Variants in PCDHGA6 observed in about 807,000 individuals in gnomAD.
The protein encoded by PCDHGA6 is protocadherin gamma-A6.
Under a neutral mutation model 60.6 loss-of-function variants are expected in PCDHGA6, and 41 were observed. The ratio of observed to expected loss-of-function variants is 0.68; its 90% CI spans 0.53 to 0.88. The LOEUF is 0.88. Among genes scored for constraint, PCDHGA6 ranks in the 40% least tolerant of loss-of-function variants. The pLI is 0.00. For missense variants in PCDHGA6, 1,312 were observed against 1,203.0 expected (o/e 1.09, Z -1.34); for synonymous variants, 594 against 524.4 (o/e 1.13, Z -1.81).
intron 1 of PCDHGA6, among the ~76,000 whole-genome samples, chr5:141,451,387 T>C (rs1039738460): frequency 6.6e-6 from 1 of 152,116 alleles, no homozygotes; most frequent in African/African-American, 2.4e-5. Flanking sequence ...TCTCACATAG[T>C]TAATGGCAAA....
At chr5:141,402,491 A>T (rs1186098298) in intron 1 of PCDHGA6, among the ~76,000 whole-genome samples, 1 of 152,242 alleles carries the variant, frequency 6.6e-6, no homozygotes, top group Non-Finnish European at 1.5e-5. Flanking sequence ...TCTACCAAGA[A>T]TAAGAATAAA....
At position 141,491,098 on chromosome 5, in the gene PCDHGA6, C is replaced by A. The variant is rs1283499077; in HGVS notation, c.2425-3709C>A. ...ACAGTCCACAGCCCCAGGACTGTTC[C>A]TCGTGTCTACACACACTGGTGAGGT... On this transcript the variant is annotated intron_variant, in intron 1 of 3. Coordinates refer to ENST00000517434, the MANE Select transcript of PCDHGA6 (RefSeq NM_018919.3). This position sits in a 1 kb window ranked among gnomAD's most constrained non-coding sequence, Gnocchi z 6.9. 6.2e-7 allele frequency: 1 copy of A among 1,614,216 alleles called. No individual in the cohort carries two copies. Among genetic ancestry groups the A allele is most frequent in the Non-Finnish European group, 8.5e-7 (1 of 1,180,038 alleles).
chr5:141,405,339 A>T (rs980651625), intron 1 of PCDHGA6: 12 of 1,614,060 alleles, frequency 7.4e-6, no homozygotes, highest in Non-Finnish European at 1.0e-5. Context: ...GTCTCTGTTG[A>T]TTCCAAGTTT....
chr5:141,385,068 C>G, intron 1 of PCDHGA6: 1 of 1,614,206 alleles, frequency 6.2e-7, no homozygotes, highest in South Asian at 1.1e-5. Context: ...ACAAGTCACG[C>G]CTGCTGCAGG....
At chr5:141,404,391 A>C (rs773558298) in intron 1 of PCDHGA6, 1 of 1,613,924 alleles carries the variant, frequency 6.2e-7, no homozygotes, top group South Asian at 1.1e-5. Context: ...TATGACCCTG[A>C]TAGCAATGAG....
chr5:141,375,987 G>A lies in PCDHGA6; in HGVS notation c.1904G>A (p.Arg635Lys). The stretch of plus-strand genomic sequence containing the variant: ...CGCACGGCGCGCGCCCTGCTGGACA[G>A]AGACGCGCTCAAGCAGAGCCTAGTG... Reference protein sequence around the residue: ...EVRTARALLDRDALKQSLVVA... With the variant: ...EVRTARALLDKDALKQSLVVA... Residue 635 changes from arginine (R) to lysine (K), a missense_variant, in exon 1 of 4, where the codon AGA becomes AAA. Physicochemically the swap from Arg to Lys is conservative, Grantham distance 26. Coordinates refer to ENST00000517434, the MANE Select transcript of PCDHGA6 (RefSeq NM_018919.3). The A allele has an allele frequency of 6.2e-7, 1 of 1,613,458 alleles. No individual in the cohort carries two copies. Among genetic ancestry groups the A allele is most frequent in the Non-Finnish European group, 8.5e-7 (1 of 1,179,892 alleles).
At chr5:141,391,576 T>A (rs1172672552) in intron 1 of PCDHGA6, 1 of 152,236 alleles carries the variant, frequency 6.6e-6, no homozygotes, top group Non-Finnish European at 1.5e-5. Flanking sequence ...AGAAAATATA[T>A]TCACAGGAAA....
rs757568006 is a variant in PCDHGA6 at position 141,389,895 on chromosome 5, C to A, written c.2424+13388C>A. 1.2e-5 allele frequency: 20 copies of A among 1,614,088 alleles called. No homozygotes were observed. In the Middle Eastern group the frequency reaches 2.0e-3, roughly 160 times the overall value. On this transcript the variant is annotated intron_variant, in intron 1 of 3. Coordinates refer to ENST00000517434, the MANE Select transcript of PCDHGA6 (RefSeq NM_018919.3). Reference sequence around the variant, plus strand: ...CGCCGACAGCTTGCAGGAGGTGCTGCCGGATATCACTGACCGCCCCGACCC... The same window carrying A: ...CGCCGACAGCTTGCAGGAGGTGCTGACGGATATCACTGACCGCCCCGACCC...
At chr5:141,412,814 C>CAT (rs1339609844) in intron 1 of PCDHGA6, among the ~76,000 whole-genome samples, 1 of 152,180 alleles carries the variant, frequency 6.6e-6, no homozygotes, top group Non-Finnish European at 1.5e-5. Context: ...AAGAAACCTA[C>CAT]ATATAGTAAA....
At chr5:141,415,740 G>GTTTTTTTTTTTTTTTGT (rs2095912649) in intron 1 of PCDHGA6, 1 of 515,998 alleles carries the variant, frequency 1.9e-6, no homozygotes, top group Non-Finnish European at 2.6e-6. Flanking sequence ...GTTTATTAAG[G>GTTTTTTTTTTTTTTTGT]TTTTTTTTTT....
In PCDHGA6 at chr5:141,476,335, C is replaced by A; in HGVS notation, c.2425-18472C>A. On this transcript the variant is annotated intron_variant, in intron 1 of 3. Coordinates refer to ENST00000517434, the MANE Select transcript of PCDHGA6 (RefSeq NM_018919.3). The surrounding 1 kb of genome is among the most constrained non-coding windows in gnomAD (Gnocchi z 7.6). Reference sequence around the variant, plus strand: ...GGTTCCGGGTGGTGTCTGGAGCTAGCCGAAGATTCTTTGAGGTGAACCGGG... The same window carrying A: ...GGTTCCGGGTGGTGTCTGGAGCTAGACGAAGATTCTTTGAGGTGAACCGGG... 2 of 1,614,120 alleles carry A rather than the reference C, an allele frequency of 1.2e-6. No individual in the cohort carries two copies. Among genetic ancestry groups the A allele is most frequent in the Non-Finnish European group, 1.7e-6 (2 of 1,180,026 alleles).
At chr5:141,497,983 C>T (rs2099780927) in intron 2 of PCDHGA6, among the ~76,000 whole-genome samples, 1 of 152,168 alleles carries the variant, frequency 6.6e-6, no homozygotes, top group African/African-American at 2.4e-5. Context: ...GTGGGAGGCC[C>T]CTGCCCTCAA....
intron 1 of PCDHGA6, chr5:141,414,621 C>G: frequency 6.2e-7 from 1 of 1,613,996 alleles, no homozygotes; most frequent in Non-Finnish European, 8.5e-7. Flanking sequence ...CAGCGCTGGA[C>G]CCGGACAGCA....
At chr5:141,509,143 C>T (rs1022878562) in intron 3 of PCDHGA6, among the ~76,000 whole-genome samples, 9 of 152,138 alleles carry the variant, frequency 5.9e-5, no homozygotes, top group Non-Finnish European at 1.0e-4. Flanking sequence ...AGGCGCATCC[C>T]GGCTCTCCCC....
intron 1 of PCDHGA6, chr5:141,471,546 G>T (rs1271594387): frequency 6.6e-6 from 1 of 152,202 alleles, no homozygotes; most frequent in African/African-American, 2.4e-5. Flanking sequence ...AGCATTTAAG[G>T]TTGCTTTGAC....
intron 1 of PCDHGA6, chr5:141,428,413 C>A: frequency 2.2e-6 from 1 of 461,904 alleles, no homozygotes; most frequent in Non-Finnish European, 4.0e-6. Context: ...TTGCTTTCAC[C>A]CTGGTCTCTG....
intron 1 of PCDHGA6, chr5:141,422,195 A>G: frequency 6.4e-7 from 1 of 1,562,278 alleles, no homozygotes; most frequent in African/African-American, 1.4e-5. Flanking sequence ...ATTCAAGGCC[A>G]AGATGGTGGA....
chr5:141,494,785 T>G, intron 1 of PCDHGA6, 22 bp from the exon 2 acceptor site: 1 of 1,614,016 alleles, frequency 6.2e-7, no homozygotes, highest in Non-Finnish European at 8.5e-7. Flanking sequence ...ACTCAGCCCC[T>G]TTCCCTCTGT....
rs769641310 is a variant in PCDHGA6, at chr5:141,477,421, T to G, written c.2425-17386T>G. 1.7e-5 allele frequency: 28 copies of G among 1,614,172 alleles called. No individual in the cohort carries two copies. Among genetic ancestry groups the G allele is most frequent in the Non-Finnish European group, 2.3e-5 (27 of 1,180,028 alleles). On this transcript the variant is annotated intron_variant, in intron 1 of 3. Coordinates refer to ENST00000517434, the MANE Select transcript of PCDHGA6 (RefSeq NM_018919.3). The surrounding 1 kb of genome is among the most constrained non-coding windows in gnomAD (Gnocchi z 4.9). ...TCACCGCCCGAGACGCCGGAACCCC[T>G]TCCCTCTCAGCCCTTACAATAGTGC...
Sources: allele counts gnomAD v4.1 joint callset (sites outside exome capture counted in the v4.1 genomes callset), GRCh38; gene constraint gnomAD v4.1.1; non-coding constraint Gnocchi (gnomAD v3.1); transcripts MANE v1.5; gene names NCBI Gene and HGNC (gene_info 2026-07-23, HGNC 2026-07-21).